The following MEGF11 variants were observed in gnomAD, a reference collection of about 807,000 sequenced individuals.
MEGF11 encodes multiple epidermal growth factor-like domains protein 11.
In MEGF11, 126 loss-of-function variants were observed where a neutral mutation model predicts 146.6. That is an observed-to-expected ratio of 0.86 (90% confidence interval 0.74 to 1.00). The LOEUF is 1.00. MEGF11 is among the 50% of genes least tolerant of loss of function. The pLI is 0.00. For missense variants in MEGF11, 1,509 were observed against 1,521.2 expected (o/e 0.99, Z 0.13); for synonymous variants, 532 against 583.4 (o/e 0.91, Z 1.27).
chr15:65,957,526 G>C (rs371726005), intron 10 of MEGF11, 21 bp downstream of exon 10: 1 of 1,608,260 alleles, frequency 6.2e-7, no homozygotes, highest in Non-Finnish European at 8.5e-7. Context: ...GGAAGGCCAC[G>C]GGAGGCCCCT....
chr15:66,230,499 A>G (rs1306099975), intron 1 of MEGF11, among the ~76,000 whole-genome samples: 1 of 152,254 alleles, frequency 6.6e-6, no homozygotes, highest in Non-Finnish European at 1.5e-5. Context: ...GCATACTAAT[A>G]ATGATGACAG....
chr15:66,228,734 C>A (rs1403547501), intron 1 of MEGF11, among the ~76,000 whole-genome samples: 1 of 152,212 alleles, frequency 6.6e-6, no homozygotes, highest in Non-Finnish European at 1.5e-5. Flanking sequence ...AGCTTCTCTC[C>A]ATGCTTCCCT....
At chr15:66,208,183 A>G (rs1221977339) in intron 1 of MEGF11, among the ~76,000 whole-genome samples, 2 of 152,204 alleles carry the variant, frequency 1.3e-5, no homozygotes, top group Non-Finnish European at 2.9e-5. Flanking sequence ...ATCTATCTAG[A>G]GGAAATATTT....
At position 65,988,236 on chromosome 15, in the gene MEGF11, T is replaced by C. The variant is rs114545024; in HGVS notation, c.395-5748A>G. ...GTTGGCCAGGCTGGTCTTGAACTCC[T>C]GGGCTCATCGATCTACCTGCCTCGG... On this transcript the variant is annotated intron_variant, in intron 5 of 25. Transcript: ENST00000395614. 4.3e-3 allele frequency among the ~76,000 whole-genome samples: 650 copies of C among 151,884 alleles called. 7 individuals are homozygous for C. The highest frequency in any genetic ancestry group is 0.015 in the African/African-American group (623 of 41,406).
chr15:66,178,887 T>C (rs1000062804), intron 1 of MEGF11, among the ~76,000 whole-genome samples: 1 of 151,842 alleles, frequency 6.6e-6, no homozygotes, highest in African/African-American at 2.4e-5. Flanking sequence ...ACTCTGAGAG[T>C]TGTTTTATTT....
In MEGF11 at chr15:65,917,824, C is replaced by G. The variant is rs1055559897; in HGVS notation, c.2086+142G>C. 5.8e-5 allele frequency: 52 copies of G among 898,672 alleles called. 1 individual carries two copies. Among genetic ancestry groups the G allele is most frequent in the South Asian group, 4.7e-4 (29 of 61,562 alleles). The allele number at this position is 898,672 out of a possible 1,614,324, so 55.7% of individuals were successfully genotyped here. On this transcript the variant is annotated intron_variant, in intron 16 of 25. Coordinates refer to ENST00000395614, the MANE Select transcript of MEGF11 (RefSeq NM_001385028.1). ...ATAATCCATCATGTTAGCTATAGAG[C>G]TAAATGGGGCTCATTCCTACATGCA...
At chr15:66,177,469 C>T (rs16949595) in intron 1 of MEGF11, among the ~76,000 whole-genome samples, 2,206 of 152,244 alleles carry the variant, frequency 0.014, 41 homozygotes, top group African/African-American at 0.049. Context: ...GCACAGTAAT[C>T]TTTCTCCTCC....
At chr15:66,010,965 C>A in intron 5 of MEGF11, among the ~76,000 whole-genome samples, 1 of 152,154 alleles carries the variant, frequency 6.6e-6, no homozygotes, top group South Asian at 2.1e-4. Context: ...GAGGGAATTG[C>A]CCAGCTAGAG....
intron 1 of MEGF11, among the ~76,000 whole-genome samples, chr15:66,192,470 AAAAATAAAATAAAAT>A (rs56910946): frequency 0.13 from 16,352 of 130,336 alleles, 1,499 homozygotes; most frequent in African/African-American, 0.24. Flanking sequence ...ACTCCATCTC[AAAAATAAAATAAAAT>A]AAAATAAAAT....
At chr15:66,084,944 G>C (rs544212963) in intron 5 of MEGF11, among the ~76,000 whole-genome samples, 26 of 152,260 alleles carry the variant, frequency 1.7e-4, no homozygotes, top group African/African-American at 6.0e-4. Flanking sequence ...AACAGACTCC[G>C]GGCTGTTGCG....
At chr15:66,232,147 C>G (rs1430925525) in intron 1 of MEGF11, among the ~76,000 whole-genome samples, 2 of 152,220 alleles carry the variant, frequency 1.3e-5, no homozygotes, top group Non-Finnish European at 2.9e-5. Context: ...GGCCAGGAGC[C>G]TGCAGAGCTG....
At position 65,897,281 on chromosome 15, in the gene MEGF11, GTC is replaced by G. The variant is rs1038157511; in HGVS notation, c.*651_*652del. ...CTGCACTTTGGAAACGTGTGTGTGTGTCTCTGTGTGTTTAAACCTATCACTTA... is the reference window on the plus strand; with the variant it reads ...CTGCACTTTGGAAACGTGTGTGTGTGTCTGTGTGTTTAAACCTATCACTTA... On this transcript the variant is annotated 3_prime_UTR_variant, in exon 26 of 26. Coordinates refer to ENST00000395614, the MANE Select transcript of MEGF11 (RefSeq NM_001385028.1). The G allele has an allele frequency of 1.3e-5, 2 of 152,192 alleles. No individual in the cohort carries two copies. Among genetic ancestry groups the G allele is most frequent in the Non-Finnish European group, 2.9e-5 (2 of 68,026 alleles). The allele number at this position is 152,192 out of a possible 1,614,324, so 9.4% of individuals were successfully genotyped here. A position where few individuals can be genotyped will look rare whatever the true frequency, so the allele number is the denominator to read the frequency against.
chr15:65,909,631 A>G, intron 22 of MEGF11, 109 bp downstream of exon 22: 1 of 1,119,652 alleles, frequency 8.9e-7, no homozygotes, highest in Non-Finnish European at 1.3e-6. Context: ...CCTGGGGGAA[A>G]CCATGTTCAG....
At chr15:65,904,238 A>G (rs1196020919) in intron 24 of MEGF11, among the ~76,000 whole-genome samples, 1 of 152,104 alleles carries the variant, frequency 6.6e-6, no homozygotes, top group Non-Finnish European at 1.5e-5. Context: ...GCCCTTAGAG[A>G]GCTTTCTGCC....
chr15:66,194,570 TGCACTCCA>T (rs544080645), intron 1 of MEGF11, among the ~76,000 whole-genome samples: 1 of 151,474 alleles, frequency 6.6e-6, no homozygotes, highest in South Asian at 2.1e-4. Context: ...ATGGCACCAC[TGCACTCCA>T]GCCTGGGTGA....
intron 1 of MEGF11, among the ~76,000 whole-genome samples, chr15:66,148,392 T>C (rs1485738725): frequency 1.3e-5 from 2 of 152,160 alleles, no homozygotes; most frequent in African/African-American, 2.4e-5. Flanking sequence ...CCTTTGGCAA[T>C]GGCCCCAGAA....
intron 17 of MEGF11, chr15:65,916,477 A>G: frequency 2.7e-6 from 2 of 733,304 alleles, no homozygotes; most frequent in South Asian, 1.9e-5. Context: ...TTTCCAAGAC[A>G]GAGGGGCCTT....
chr15:66,178,963 AC>A (rs1478486809), intron 1 of MEGF11, among the ~76,000 whole-genome samples: 1 of 152,168 alleles, frequency 6.6e-6, no homozygotes, highest in Non-Finnish European at 1.5e-5. Flanking sequence ...TTATTCCATG[AC>A]AAAAAAGAAA....
intron 5 of MEGF11, among the ~76,000 whole-genome samples, chr15:66,083,165 T>C (rs2036841224): frequency 1.3e-5 from 2 of 152,142 alleles, no homozygotes; most frequent in South Asian, 4.1e-4. Context: ...GCCTGACCTG[T>C]AGTCATAGGT....
Sources: gnomAD v4.1 joint callset for allele counts (sites outside exome capture counted in the v4.1 genomes callset) on GRCh38, gnomAD v4.1.1 for gene constraint, MANE v1.5 for transcripts, NCBI Gene and HGNC (gene_info 2026-07-23, HGNC 2026-07-21) for gene names.